CUL2: variants seen among roughly 807,000 people sequenced by gnomAD.
CUL2 encodes the protein cullin 2.
Under a neutral mutation model 110.2 loss-of-function variants are expected in CUL2, and 22 were observed. The observed-to-expected ratio is 0.20, with a 90% CI of 0.14 to 0.28. The LOEUF (loss-of-function observed/expected upper bound fraction) is 0.28, where lower values mean the gene tolerates loss of function less well. Among genes scored for constraint, CUL2 ranks in the 10% least tolerant of loss-of-function variants. The pLI is 1.00. For missense variants in CUL2, 631 were observed against 905.5 expected, an observed-to-expected ratio of 0.70 and a Z score of 3.89; for synonymous variants, 279 against 293.2, an observed-to-expected ratio of 0.95 and a Z score of 0.49.
At chr10:35,014,068 T>C (rs988391476) in intron 18 of CUL2, among the ~76,000 whole-genome samples, 5 of 152,234 alleles carry the variant, frequency 3.3e-5, no homozygotes, top group Non-Finnish European at 4.4e-5. Flanking sequence ...TACTATTCTA[T>C]ATACACTACT....
intron 6 of CUL2, among the ~76,000 whole-genome samples, chr10:35,047,607 CAA>C (rs61467648): frequency 5.8e-5 from 7 of 120,090 alleles, no homozygotes; most frequent in Non-Finnish European, 1.7e-5. Context: ...AAGACTGTCT[CAA>C]AAAAAAAAAA....
intron 1 of CUL2, among the ~76,000 whole-genome samples, chr10:35,108,063 A>G (rs956099521): frequency 1.3e-5 from 2 of 152,074 alleles, no homozygotes; most frequent in Admixed American, 6.6e-5. Flanking sequence ...TTGGAAAAAT[A>G]ACATCTTCGC....
intron 1 of CUL2, among the ~76,000 whole-genome samples, chr10:35,081,342 G>A (rs2086943427): frequency 2.6e-5 from 4 of 152,128 alleles, no homozygotes; most frequent in Admixed American, 2.6e-4. Flanking sequence ...TGTTTCTTAA[G>A]TTTTCACATC....
At chr10:35,045,002 C>A in intron 6 of CUL2, 134 bp from the exon 7 acceptor site, 1 of 585,924 alleles carries the variant, frequency 1.7e-6, no homozygotes. Flanking sequence ...AAGGTACATG[C>A]ATGAATCTTA....
Position 35,115,994 on chromosome 10 carries a change from G to C in CUL2, c.-51+10611C>G, listed in dbSNP as rs79974597. Among the ~76,000 whole-genome samples, 299 of 152,118 alleles carry C rather than the reference G, an allele frequency of 2.0e-3. 4 individuals are homozygous for C. The East Asian group carries it at 0.026, about 13-fold the overall frequency. On this transcript the variant is annotated intron_variant, in intron 1 of 5. Coordinates refer to the CUL2 transcript ENST00000685421. ...AAAGAGAAAAGATAAAAATTACCAAGATTTGGCTTGAAAGATGATATCACT... is the reference window on the plus strand; with the variant it reads ...AAAGAGAAAAGATAAAAATTACCAACATTTGGCTTGAAAGATGATATCACT...
intron 17 of CUL2, among the ~76,000 whole-genome samples, chr10:35,019,145 C>T (rs917439594): frequency 3.3e-5 from 5 of 152,142 alleles, no homozygotes; most frequent in Non-Finnish European, 5.9e-5. Flanking sequence ...ACGACTTAAT[C>T]ATATGCAGAA....
At chr10:35,050,204 C>T (rs533325579) in intron 5 of CUL2, among the ~76,000 whole-genome samples, 72 of 152,008 alleles carry the variant, frequency 4.7e-4, no homozygotes, top group African/African-American at 1.7e-3. Context: ...GCCTGTAATC[C>T]CAGCTACTCG....
At chr10:35,028,968 G>A in intron 15 of CUL2, 81 bp from the exon 16 acceptor site, 1 of 847,652 alleles carries the variant, frequency 1.2e-6, no homozygotes, top group Non-Finnish European at 1.8e-6. Flanking sequence ...AATAATCTAA[G>A]CATCTAAAAC....
intron 1 of CUL2, among the ~76,000 whole-genome samples, chr10:35,086,706 C>T (rs913876561): frequency 4.0e-5 from 6 of 151,856 alleles, no homozygotes; most frequent in Admixed American, 2.6e-4. Context: ...GGTGACAGAG[C>T]GAACACCATC....
chr10:35,093,377 A>AGG (rs2087243354), upstream of CUL2, among the ~76,000 whole-genome samples: 1 of 152,012 alleles, frequency 6.6e-6, no homozygotes, highest in South Asian at 2.1e-4. Flanking sequence ...ACTTGAAAGA[A>AGG]CAATTGACAG....
chr10:35,074,894 G>A (rs567540065), intron 1 of CUL2, among the ~76,000 whole-genome samples: 6 of 152,220 alleles, frequency 3.9e-5, no homozygotes, highest in Admixed American at 2.0e-4. Flanking sequence ...GTACTTCATC[G>A]CTCTGAACTG....
At chr10:35,037,962 G>A (rs1414576838) in intron 9 of CUL2, among the ~76,000 whole-genome samples, 3 of 151,774 alleles carry the variant, frequency 2.0e-5, no homozygotes, top group Non-Finnish European at 2.9e-5. Flanking sequence ...AAGACCAGGA[G>A]GCCAACATGG....
At chr10:35,094,468 C>T (rs566486827), upstream of CUL2, among the ~76,000 whole-genome samples, 2 of 152,334 alleles carry the variant, frequency 1.3e-5, no homozygotes, top group African/African-American at 4.8e-5. Flanking sequence ...CTCCTGACCT[C>T]AGGTGATTTG....
intron 5 of CUL2, 44 bp from the exon 6 acceptor site, chr10:35,049,809 T>C (rs1417050572): frequency 7.6e-7 from 1 of 1,310,690 alleles, no homozygotes; most frequent in South Asian, 1.2e-5. Context: ...TTACTTAGTA[T>C]ATGTTTAACA....
chr10:35,060,930 A>G lies in CUL2; in HGVS notation c.261T>C (p.Tyr87=). Residue 87 remains tyrosine (Y), a synonymous_variant, in exon 4 of 21, where the codon TAT becomes TAC. Coordinates refer to ENST00000374749, the MANE Select transcript of CUL2 (RefSeq NM_003591.4). ...LESEEQVLVM[Y]HRYWEEYSKG... The stretch of plus-strand genomic sequence containing the variant: ...TGCTGTATTCTTCCCAGTACCTATG[A>G]TACATAACAAGTACTTGTTCTTCTG... 1 of 1,613,950 alleles carries G rather than the reference A, an allele frequency of 6.2e-7. No homozygotes were observed. The highest frequency in any genetic ancestry group is 8.5e-7 in the Non-Finnish European group (1 of 1,179,930).
intron 8 of CUL2, among the ~76,000 whole-genome samples, chr10:35,043,108 T>G (rs2134792510): frequency 6.6e-6 from 1 of 151,928 alleles, no homozygotes; most frequent in Non-Finnish European, 1.5e-5. Context: ...TTTGAGAGAG[T>G]TTTTCACTAC....
At chr10:35,069,294 T>C (rs549790460) in intron 2 of CUL2, among the ~76,000 whole-genome samples, 2 of 152,186 alleles carry the variant, frequency 1.3e-5, no homozygotes, top group Admixed American at 6.5e-5. Context: ...ATCCTAGCAC[T>C]TTGGGAGGCC....
intron 17 of CUL2, among the ~76,000 whole-genome samples, chr10:35,016,926 CAAAAAAAAAAAAAAAACA>C (rs2085048780): frequency 1.6e-5 from 1 of 60,970 alleles, no homozygotes; most frequent in African/African-American, 6.1e-5. Flanking sequence ...GACTCTGTCT[CAAAAAAAAAAAAAAAACA>C]AAAAAAAAAG....
At chr10:35,103,548 C>T (rs11010092) in intron 1 of CUL2, among the ~76,000 whole-genome samples, 34 of 151,018 alleles carry the variant, frequency 2.3e-4, no homozygotes, top group African/African-American at 7.9e-4. Flanking sequence ...TGGTCTCGAT[C>T]TCCTGACCTC....
Sources: gnomAD v4.1 joint callset for allele counts (sites outside exome capture counted in the v4.1 genomes callset) on GRCh38, gnomAD v4.1.1 for gene constraint, MANE v1.5 for transcripts, NCBI Gene and HGNC (gene_info 2026-07-23, HGNC 2026-07-21) for gene names.